Variants in CNTN4 observed in about 807,000 individuals in gnomAD.
The protein encoded by CNTN4 is contactin 4.
Under a neutral mutation model 122.5 loss-of-function variants are expected in CNTN4, and 77 were observed. The ratio of observed to expected loss-of-function variants is 0.63; its 90% confidence interval spans 0.52 to 0.76. CNTN4 has a LOEUF of 0.76. CNTN4 is among the 30% of genes least tolerant of loss of function. The pLI is 0.00. For missense variants in CNTN4, 1,256 were observed against 1,259.1 expected, an observed-to-expected ratio of 1.00 and a Z score of 0.04; for synonymous variants, 512 against 447.0, an observed-to-expected ratio of 1.15 and a Z score of -1.83.
At chr3:2,325,494 C>A (rs1206356240) in intron 2 of CNTN4, among the ~76,000 whole-genome samples, 1 of 152,178 alleles carries the variant, frequency 6.6e-6, no homozygotes, top group Admixed American at 6.5e-5. Context: ...TATGGTCTTA[C>A]TTGAATACCT....
intron 2 of CNTN4, among the ~76,000 whole-genome samples, chr3:2,302,630 T>C (rs1199710482): frequency 6.6e-6 from 1 of 152,188 alleles, no homozygotes; most frequent in Non-Finnish European, 1.5e-5. Flanking sequence ...CAGATAGTAA[T>C]AATTAACTTC....
intron 3 of CNTN4, among the ~76,000 whole-genome samples, chr3:2,489,792 T>A (rs1361496013): frequency 6.6e-6 from 1 of 152,198 alleles, no homozygotes; most frequent in African/African-American, 2.4e-5. Context: ...CTTCTTCCCT[T>A]CCTTTCTTTC....
intron 4 of CNTN4, among the ~76,000 whole-genome samples, chr3:2,669,330 G>A (rs1319567302): frequency 6.6e-6 from 1 of 152,172 alleles, no homozygotes; most frequent in African/African-American, 2.4e-5. Flanking sequence ...GAGGGTGTAT[G>A]TGTCGAGGAA....
chr3:2,214,771 C>A (rs557347829), intron 2 of CNTN4, among the ~76,000 whole-genome samples: 1 of 152,078 alleles, frequency 6.6e-6, no homozygotes, highest in South Asian at 2.1e-4. Flanking sequence ...GGCTGCATCC[C>A]AGTAGGTACA....
chr3:2,820,766 T>C (rs1162131152), intron 7 of CNTN4, among the ~76,000 whole-genome samples: 1 of 151,930 alleles, frequency 6.6e-6, no homozygotes, highest in Non-Finnish European at 1.5e-5. Context: ...AGACCAAATA[T>C]ATATATTTCT....
chr3:2,465,179 A>G (rs2075451518), intron 3 of CNTN4, among the ~76,000 whole-genome samples: 1 of 152,162 alleles, frequency 6.6e-6, no homozygotes, highest in Non-Finnish European at 1.5e-5. Flanking sequence ...TTATTAACTC[A>G]CTACAACTTT....
chr3:2,974,788 C>T (rs1693265370), intron 13 of CNTN4, among the ~76,000 whole-genome samples: 2 of 152,286 alleles, frequency 1.3e-5, no homozygotes, highest in African/African-American at 2.4e-5. Context: ...TAGTAGATTC[C>T]ACTTTCATTT....
At chr3:2,695,110 G>A (rs1400976879) in intron 4 of CNTN4, among the ~76,000 whole-genome samples, 1 of 152,200 alleles carries the variant, frequency 6.6e-6, no homozygotes, top group Non-Finnish European at 1.5e-5. Flanking sequence ...AAAAGCACCT[G>A]TCCTGGTGTA....
intron 4 of CNTN4, among the ~76,000 whole-genome samples, chr3:2,664,987 C>T (rs6442744): frequency 0.37 from 56,743 of 151,916 alleles, 11,033 homozygotes; most frequent in South Asian, 0.55. Flanking sequence ...AGGTTTTCCT[C>T]TGAAATACCA....
intron 3 of CNTN4, among the ~76,000 whole-genome samples, chr3:2,488,084 T>G (rs186376671): frequency 6.6e-6 from 1 of 152,320 alleles, no homozygotes; most frequent in East Asian, 1.9e-4. Flanking sequence ...TAGTTATCCC[T>G]AATACACATT....
At chr3:2,873,976 A>G (rs1040907231) in intron 8 of CNTN4, among the ~76,000 whole-genome samples, 1 of 152,198 alleles carries the variant, frequency 6.6e-6, no homozygotes, top group African/African-American at 2.4e-5. Context: ...TAATTCTCTG[A>G]CAACATCGCA....
chr3:2,971,064 G>A (rs555851698), intron 13 of CNTN4, among the ~76,000 whole-genome samples: 1 of 152,318 alleles, frequency 6.6e-6, no homozygotes, highest in Admixed American at 6.5e-5. Flanking sequence ...TGGGATTACA[G>A]GCCTGAGCCA....
intron 4 of CNTN4, among the ~76,000 whole-genome samples, chr3:2,632,275 A>G (rs1411800168): frequency 1.3e-5 from 2 of 152,182 alleles, no homozygotes; most frequent in Non-Finnish European, 2.9e-5. Flanking sequence ...TGCATAGACA[A>G]AATTGGTTTT....
chr3:2,979,084 C>G (rs1291805556), intron 13 of CNTN4, among the ~76,000 whole-genome samples: 1 of 152,312 alleles, frequency 6.6e-6, no homozygotes, highest in East Asian at 1.9e-4. Context: ...GGTGGCTTAT[C>G]TACGAGGTGT....
At chr3:2,901,379 T>C (rs927132298) in intron 11 of CNTN4, among the ~76,000 whole-genome samples, 2 of 152,188 alleles carry the variant, frequency 1.3e-5, no homozygotes, top group African/African-American at 4.8e-5. Flanking sequence ...GATTTCTTCC[T>C]CCAGTAGGCC....
chr3:2,726,640 T>C (rs2088245280), intron 4 of CNTN4, among the ~76,000 whole-genome samples: 1 of 152,228 alleles, frequency 6.6e-6, no homozygotes, highest in Non-Finnish European at 1.5e-5. Context: ...GTTTCTATGC[T>C]TTTATTCTCA....
intron 2 of CNTN4, among the ~76,000 whole-genome samples, chr3:2,161,218 T>C (rs12107822): frequency 0.023 from 3,532 of 152,116 alleles, 136 homozygotes; most frequent in African/African-American, 0.081. Flanking sequence ...AAGGGGATGC[T>C]GGAGGATAAG....
chr3:2,614,031 G>GA (rs2081609268), intron 4 of CNTN4, among the ~76,000 whole-genome samples: 1 of 152,144 alleles, frequency 6.6e-6, no homozygotes, highest in African/African-American at 2.4e-5. Flanking sequence ...TCTATTGTGA[G>GA]AAAAAAATAG....
Position 3,053,971 on chromosome 3 carries a change from A to G in CNTN4, c.2976A>G (p.Ile992Met), listed in dbSNP as rs1300769161. 1 of 1,614,184 alleles carries G rather than the reference A, an allele frequency of 6.2e-7. No individual in the cohort carries two copies. The highest frequency in any genetic ancestry group is 2.2e-5 in the East Asian group (1 of 44,882). ...GTGAACAAATTCGAATTCCAAAGAT[A>G]TCAAGTGAGAATGCCTTTTTTTCTC... ...SSSEQIRIPK[I>M]SNAYARGSGA... Residue 992 changes from isoleucine (I) to methionine (M), a missense_variant, in exon 24 of 25, where the codon ATA becomes ATG. Transcript: ENST00000418658.
Sources: allele counts gnomAD v4.1 joint callset (sites outside exome capture counted in the v4.1 genomes callset), GRCh38; gene constraint gnomAD v4.1.1; transcripts MANE v1.5; gene names NCBI Gene and HGNC (gene_info 2026-07-23, HGNC 2026-07-21).